HPS1: variants seen among roughly 807,000 people sequenced by gnomAD.
HPS1 encodes the protein BLOC-3 complex member HPS1.
A neutral mutation model predicts 90.6 loss-of-function variants in HPS1; 59 were observed. The observed-to-expected ratio is 0.65, with a 90% CI of 0.53 to 0.81. The LOEUF (loss-of-function observed/expected upper bound fraction) is 0.81. HPS1 is among the 30% of genes least tolerant of loss of function. The probability of loss-of-function intolerance (pLI) is 0.00; values close to 1 mark genes in which losing one functional copy is unlikely to be tolerated. For missense variants in HPS1, 849 were observed against 896.7 expected, an observed-to-expected ratio of 0.95 and a Z score of 0.68; for synonymous variants, 388 against 384.4, an observed-to-expected ratio of 1.01 and a Z score of -0.11.
At chr10:98,431,104 C>A (rs1288662408) in intron 7 of HPS1, 27 bp downstream of exon 7, 30 of 1,612,806 alleles carry the variant, frequency 1.9e-5, no homozygotes, top group Non-Finnish European at 2.5e-5. Context: ...GAGCCTTTAG[C>A]CACCACATGC....
chr10:98,436,564 T>A (rs1182017346), intron 3 of HPS1, among the ~76,000 whole-genome samples: 1 of 152,066 alleles, frequency 6.6e-6, no homozygotes, highest in African/African-American at 2.4e-5. Context: ...TCTTCCTCCA[T>A]CCATTCTCTC....
downstream of HPS1, among the ~76,000 whole-genome samples, chr10:98,415,373 G>T (rs1322731314): frequency 2.0e-5 from 3 of 152,260 alleles, no homozygotes; most frequent in Non-Finnish European, 2.9e-5. Flanking sequence ...GGATGCAGGG[G>T]ATAATGGCAA....
intron 3 of HPS1, among the ~76,000 whole-genome samples, chr10:98,438,450 C>T (rs1194038646): frequency 1.3e-5 from 2 of 152,198 alleles, no homozygotes; most frequent in South Asian, 2.1e-4. Flanking sequence ...ACAAAGGTGA[C>T]TCTTGTTATG....
At chr10:98,425,742 C>T (rs1475585352) in intron 12 of HPS1, 22 bp from the exon 13 acceptor site, 5 of 1,600,454 alleles carry the variant, frequency 3.1e-6, no homozygotes, top group African/African-American at 1.3e-5. Flanking sequence ...GGCCGAGAGG[C>T]GGGTGAACGG....
intron 10 of HPS1, among the ~76,000 whole-genome samples, chr10:98,428,526 CTG>C (rs1845907647): frequency 6.6e-6 from 1 of 152,190 alleles, no homozygotes; most frequent in Non-Finnish European, 1.5e-5. Context: ...GGCCCACAGA[CTG>C]TAACTTAATT....
intron 17 of HPS1, 51 bp from the exon 18 acceptor site, chr10:98,420,209 G>T: frequency 7.4e-7 from 1 of 1,352,238 alleles, no homozygotes; most frequent in South Asian, 1.2e-5. Context: ...GGTCTGCCTG[G>T]GCAGCTCTCA....
chr10:98,421,436 G>A (rs1376899863), intron 17 of HPS1, among the ~76,000 whole-genome samples: 1 of 152,194 alleles, frequency 6.6e-6, no homozygotes, highest in East Asian at 1.9e-4. Flanking sequence ...AATAAATTAT[G>A]TTACATTCAC....
chr10:98,414,038 A>C (rs1360712863), downstream of HPS1: 1 of 152,088 alleles, frequency 6.6e-6, no homozygotes, highest in South Asian at 2.1e-4. Flanking sequence ...GTATATGTGT[A>C]TATATATGTA....
chr10:98,422,791 A>C (rs1415636311), intron 16 of HPS1, among the ~76,000 whole-genome samples: 1 of 152,236 alleles, frequency 6.6e-6, no homozygotes, highest in African/African-American at 2.4e-5. Context: ...CATTTTCATG[A>C]GGGATGAATT....
intron 18 of HPS1, 34 bp downstream of exon 18, chr10:98,420,011 G>C: frequency 7.8e-7 from 1 of 1,288,146 alleles, no homozygotes; most frequent in Non-Finnish European, 1.1e-6. Context: ...AGTGTGTGTG[G>C]CCCGTCCTGG....
intron 17 of HPS1, 73 bp from the exon 18 acceptor site, chr10:98,420,231 A>T: frequency 9.2e-7 from 1 of 1,084,176 alleles, no homozygotes; most frequent in Non-Finnish European, 1.4e-6. Context: ...CTCCGAAGGA[A>T]GGAAAGGGCA....
intron 2 of HPS1, among the ~76,000 whole-genome samples, chr10:98,444,256 C>T (rs1363467695): frequency 6.6e-6 from 1 of 151,928 alleles, no homozygotes; most frequent in East Asian, 1.9e-4. Context: ...TCTCCTTCCC[C>T]ACCCCCCCGC....
In HPS1 at chr10:98,420,124, A is replaced by C. The variant is rs1440083130; in HGVS notation, c.1778T>G (p.Leu593Arg). The change falls in exon 18 of 20, where the codon CTG becomes CGG. Residue 593 changes from leucine to arginine, a missense_variant. By Grantham distance (102) the Leu-to-Arg change is moderately radical. Transcript: ENST00000361490. ...WSLIQLARRY[L>R]QKGYTTLLFQ... ...CAGCAGCGTGGTGTAGCCCTTCTGC[A>C]GGTATCTGCGCGCCAGCTGGATCAG... is the stretch of plus-strand genomic sequence containing the variant. 1.2e-6 allele frequency: 2 copies of C among 1,613,994 alleles called. No homozygotes were observed. The highest frequency in any genetic ancestry group is 2.2e-5 in the South Asian group (2 of 91,080).
rs756118363 is a variant in HPS1 at position 98,417,374 on chromosome 10, C to T, written c.*190G>A. 3.5e-6 allele frequency: 2 copies of T among 565,608 alleles called. No individual in the cohort carries two copies. Among genetic ancestry groups the T allele is most frequent in the Non-Finnish European group, 6.3e-6 (2 of 319,098 alleles). The allele number at this position is 565,608 out of a possible 1,614,324, so 35.0% of individuals were successfully genotyped here. ...TCCCTCTTCCTCCAGAGAGAAGGAT[C>T]TGGGGCCTTGCTCAGTACCTGACAT... On this transcript the variant is annotated 3_prime_UTR_variant, in exon 20 of 20. Transcript: ENST00000361490. This position sits in a 1 kb window ranked among gnomAD's most constrained non-coding sequence, Gnocchi z 4.2.
At chr10:98,439,292 G>A (rs1205233759) in intron 3 of HPS1, among the ~76,000 whole-genome samples, 2 of 152,112 alleles carry the variant, frequency 1.3e-5, no homozygotes, top group African/African-American at 2.4e-5. Context: ...TAGATCCACC[G>A]ACAGCTTGCA....
At chr10:98,440,556 T>A (rs569075394) in intron 3 of HPS1, among the ~76,000 whole-genome samples, 2 of 152,236 alleles carry the variant, frequency 1.3e-5, no homozygotes, top group Middle Eastern at 3.4e-3. Context: ...GTAAATGTGG[T>A]ATAATCCCAA....
chr10:98,433,377 G>A (rs1278474784), intron 6 of HPS1, among the ~76,000 whole-genome samples: 2 of 152,136 alleles, frequency 1.3e-5, no homozygotes, highest in African/African-American at 2.4e-5. Context: ...GAAAACCACT[G>A]CTTGAAAGAG....
downstream of HPS1, chr10:98,415,301 TGCCCTGGGGCTGTGCTGG>T: frequency 1.0e-6 from 1 of 962,806 alleles, no homozygotes; most frequent in Non-Finnish European, 1.5e-6. Flanking sequence ...AGCCTCCTGC[TGCCCTGGGGCTGTGCTGG>T]GCCGTCGGGA....
At chr10:98,440,384 T>A (rs11597549) in intron 3 of HPS1, among the ~76,000 whole-genome samples, 19,463 of 152,088 alleles carry the variant, frequency 0.13, 1,494 homozygotes, top group South Asian at 0.22. Context: ...GGAGCAATAT[T>A]TATGTCCATA....
Sources: gnomAD v4.1 joint callset for allele counts (sites outside exome capture counted in the v4.1 genomes callset) on GRCh38, gnomAD v4.1.1 for gene constraint, Gnocchi (gnomAD v3.1) non-coding constraint, MANE v1.5 for transcripts, NCBI Gene and HGNC (gene_info 2026-07-23, HGNC 2026-07-21) for gene names.